The following TRAF1 variants were observed in gnomAD, a reference collection of about 807,000 sequenced individuals.
TRAF1 encodes the protein TNF receptor-associated factor 1.
In TRAF1, 23 loss-of-function variants were observed where a neutral mutation model predicts 40.9. That is an observed-to-expected ratio of 0.56 (90% CI 0.40 to 0.80). TRAF1 has a LOEUF of 0.80. Among genes scored for constraint, TRAF1 ranks in the 30% least tolerant of loss-of-function variants. The probability of loss-of-function intolerance (pLI) is 0.00; values close to 1 mark genes in which losing one functional copy is unlikely to be tolerated. For missense variants in TRAF1, 477 were observed against 528.7 expected, an observed-to-expected ratio of 0.90 and a Z score of 0.96; for synonymous variants, 206 against 218.8, an observed-to-expected ratio of 0.94 and a Z score of 0.52.
At position 120,914,390 on chromosome 9, in the gene TRAF1, G is replaced by A. The variant is rs73543800; in HGVS notation, c.229-90C>T. ...CAATGCACCAGGATCCACCAGGGCA[G>A]GAGATGGCTTGGGCCACATGACTTT... On this transcript the variant is annotated intron_variant, in intron 3 of 7. Coordinates refer to ENST00000373887, the MANE Select transcript of TRAF1 (RefSeq NM_005658.5). 2.7e-3 allele frequency: 3,544 copies of A among 1,296,678 alleles called. 35 individuals are homozygous for A. Among genetic ancestry groups the A allele is most frequent in the African/African-American group, 0.022 (1,435 of 66,684 alleles). 80.3% of individuals were successfully genotyped at this position (1,296,678 alleles called of 1,614,324 possible).
intron 3 of TRAF1, among the ~76,000 whole-genome samples, chr9:120,915,744 G>A (rs1233716929): frequency 6.6e-6 from 1 of 151,966 alleles, no homozygotes; most frequent in African/African-American, 2.4e-5. Context: ...TGAGGTGGGA[G>A]GATCGCTTGA....
intron 3 of TRAF1, among the ~76,000 whole-genome samples, chr9:120,917,445 C>T (rs1186070853): frequency 6.6e-6 from 1 of 152,140 alleles, no homozygotes; most frequent in East Asian, 1.9e-4. Context: ...TAATAATACC[C>T]CCTTACAGGG....
Position 120,913,346 on chromosome 9 carries a change from G to C in TRAF1, c.687C>G (p.Ile229Met). Residue 229 changes from isoleucine to methionine, a missense_variant, in exon 5 of 8, where the codon ATC becomes ATG. Ile to Met is a conservative substitution (Grantham distance 10, BLOSUM62 1). Coordinates refer to ENST00000373887, the MANE Select transcript of TRAF1 (RefSeq NM_005658.5). ...IHQSQLDRERILSLEQRVVEL... is the reference protein window; with the variant it reads ...IHQSQLDRERMLSLEQRVVEL... ...CACTCACCCTCTGCTCCAAGCTCAGGATGCGCTCACGGTCCAGCTGGCTCT... is the reference window on the plus strand; with the variant it reads ...CACTCACCCTCTGCTCCAAGCTCAGCATGCGCTCACGGTCCAGCTGGCTCT... 6.2e-7 allele frequency: 1 copy of C among 1,610,586 alleles called. No homozygotes were observed. The highest frequency in any genetic ancestry group is 1.3e-5 in the African/African-American group (1 of 74,966).
intron 3 of TRAF1, among the ~76,000 whole-genome samples, chr9:120,922,933 G>T (rs183985998): frequency 4.7e-4 from 71 of 152,210 alleles, no homozygotes; most frequent in African/African-American, 1.7e-3. Context: ...GACCTCCCCA[G>T]GCTCAGGCGA....
chr9:120,909,179 A>T (rs750167887), intron 7 of TRAF1, 51 bp downstream of exon 7: 1 of 1,591,522 alleles, frequency 6.3e-7, no homozygotes, highest in South Asian at 1.1e-5. Context: ...CAGGACTAGG[A>T]CTCAGGCTTC....
chr9:120,909,128 TG>T, intron 7 of TRAF1, 101 bp downstream of exon 7: 1 of 1,405,796 alleles, frequency 7.1e-7, no homozygotes. Flanking sequence ...ACAGAGAGGG[TG>T]GGGGACTTGC....
chr9:120,917,765 T>G (rs747879078), intron 3 of TRAF1, among the ~76,000 whole-genome samples: 2 of 151,994 alleles, frequency 1.3e-5, no homozygotes, highest in Admixed American at 6.6e-5. Flanking sequence ...CTCATCTCCC[T>G]CTTCTGAGGA....
chr9:120,920,181 C>G (rs550049492), intron 3 of TRAF1, among the ~76,000 whole-genome samples: 1 of 152,154 alleles, frequency 6.6e-6, no homozygotes, highest in Non-Finnish European at 1.5e-5. Flanking sequence ...AAAGACTGCT[C>G]AGTGTCTTTC....
Position 120,926,152 on chromosome 9 carries a change from T to C in TRAF1, c.-77A>G, listed in dbSNP as rs937981587. On this transcript the variant is annotated 5_prime_UTR_variant, in exon 2 of 8. Coordinates refer to ENST00000373887, the MANE Select transcript of TRAF1 (RefSeq NM_005658.5). Reference sequence around the variant, plus strand: ...GGACCAGCCTTGTGGAGTCCTGGCCTGGGCCTCACTCTCTGGTGAGTAGGA... The same window carrying C: ...GGACCAGCCTTGTGGAGTCCTGGCCCGGGCCTCACTCTCTGGTGAGTAGGA... The C allele has an allele frequency of 7.0e-7, 1 of 1,421,514 alleles. No individual in the cohort carries two copies. The highest frequency in any genetic ancestry group is 9.3e-7 in the Non-Finnish European group (1 of 1,076,740). The allele number at this position is 1,421,514 out of a possible 1,614,324, so 88.1% of individuals were successfully genotyped here. A position where few individuals can be genotyped will look rare whatever the true frequency, so the allele number is the denominator to read the frequency against.
chr9:120,921,163 G>A (rs970328889), intron 3 of TRAF1, among the ~76,000 whole-genome samples: 6 of 152,258 alleles, frequency 3.9e-5, no homozygotes, highest in African/African-American at 1.2e-4. Context: ...AATACAGGCA[G>A]CTTCCTCTCC....
chr9:120,912,899 G>A (rs901379729), intron 5 of TRAF1, among the ~76,000 whole-genome samples: 5 of 152,196 alleles, frequency 3.3e-5, no homozygotes, highest in Admixed American at 6.5e-5. Flanking sequence ...AAGCACTCAG[G>A]TAGGACAGAA....
In TRAF1 at chr9:120,913,754, G is replaced by C; in HGVS notation, c.295-16C>G. The C allele has an allele frequency of 1.9e-6, 3 of 1,539,714 alleles. No individual in the cohort carries two copies. Among genetic ancestry groups the C allele is most frequent in the Non-Finnish European group, 2.6e-6 (3 of 1,142,214 alleles). ...GTGGGCTTCCCTGACAAGAGAGTGG[G>C]GCTGATCAGTGAAAACAGAGGTGGA... On this transcript the variant is annotated splice_polypyrimidine_tract_variant and intron_variant, in intron 4 of 7. Coordinates refer to ENST00000373887, the MANE Select transcript of TRAF1 (RefSeq NM_005658.5).
chr9:120,905,390 T>G, intron 7 of TRAF1, 152 bp from the exon 8 acceptor site: 1 of 870,062 alleles, frequency 1.1e-6, no homozygotes, highest in Admixed American at 2.6e-5. Context: ...AGAAACCAAG[T>G]AAGGAGCGCA....
chr9:120,916,621 G>T (rs1201468758), intron 3 of TRAF1, among the ~76,000 whole-genome samples: 2 of 152,302 alleles, frequency 1.3e-5, no homozygotes, highest in Admixed American at 1.3e-4. Context: ...CCAGAGAGCT[G>T]TGGGCTTAAT....
At position 120,904,905 on chromosome 9, in the gene TRAF1, A is replaced by T. The variant is rs1451209504; in HGVS notation, c.*115T>A. On this transcript the variant is annotated 3_prime_UTR_variant, in exon 8 of 8. Transcript: ENST00000373887. ...TCGACCCCTCAGTCTTGCTTGGATC[A>T]TGCCAGCCTTCACCCATCTTTGTGC... 1 of 1,102,102 alleles carries T rather than the reference A, an allele frequency of 9.1e-7. No individual in the cohort carries two copies. Among genetic ancestry groups the T allele is most frequent in the African/African-American group, 1.6e-5 (1 of 64,046 alleles). The allele number at this position is 1,102,102 out of a possible 1,614,324, so 68.3% of individuals were successfully genotyped here.
rs2131614967 is a variant in TRAF1 at position 120,904,493 on chromosome 9, GGAGCCGTCT to G, written c.*518_*526del. ...CCAACCCCCAATTTGAAGTCCTAGTGGAGCCGTCTGGGTTTGCTTGTTCACCTCCAATGA... is the reference window on the plus strand; with the variant it reads ...CCAACCCCCAATTTGAAGTCCTAGTGGGGTTTGCTTGTTCACCTCCAATGA... On this transcript the variant is annotated 3_prime_UTR_variant, in exon 8 of 8. Coordinates refer to ENST00000373887, the MANE Select transcript of TRAF1 (RefSeq NM_005658.5). 2 of 154,786 alleles carry G rather than the reference GGAGCCGTCT, an allele frequency of 1.3e-5. No individual in the cohort carries two copies. Among genetic ancestry groups the G allele is most frequent in the Admixed American group, 6.3e-5 (1 of 15,754 alleles). The allele number at this position is 154,786 out of a possible 1,614,324, so 9.6% of individuals were successfully genotyped here. A position where few individuals can be genotyped will look rare whatever the true frequency, so the allele number is the denominator to read the frequency against.
At chr9:120,911,219 T>G (rs2046523731) in intron 6 of TRAF1, 117 bp downstream of exon 6, 41 of 1,216,582 alleles carry the variant, frequency 3.4e-5, no homozygotes, top group Non-Finnish European at 4.7e-5. Flanking sequence ...GAATGGGCAC[T>G]GGCCTAAACT....
intron 5 of TRAF1, among the ~76,000 whole-genome samples, chr9:120,911,864 T>C (rs529156436): frequency 6.6e-6 from 1 of 152,302 alleles, no homozygotes; most frequent in East Asian, 1.9e-4. Context: ...ATGCTCATTG[T>C]GTCTTTGTGT....
intron 6 of TRAF1, among the ~76,000 whole-genome samples, chr9:120,910,689 A>T (rs2131622040): frequency 6.6e-6 from 1 of 152,350 alleles, no homozygotes; most frequent in Admixed American, 6.5e-5. Context: ...GAGCCACTGC[A>T]CGCAGTCTGC....
Sources: gnomAD v4.1 joint callset for allele counts (sites outside exome capture counted in the v4.1 genomes callset) on GRCh38, gnomAD v4.1.1 for gene constraint, MANE v1.5 for transcripts, NCBI Gene and HGNC (gene_info 2026-07-23, HGNC 2026-07-21) for gene names.